The following ZNHIT6 variants were observed in gnomAD, a reference collection of about 807,000 sequenced individuals.
ZNHIT6 encodes the protein zinc finger HIT-type containing 6.
A neutral mutation model predicts 57.2 loss-of-function variants in ZNHIT6; 45 were observed. The ratio of observed to expected loss-of-function variants is 0.79; its 90% CI spans 0.62 to 1.01. ZNHIT6 has a LOEUF of 1.01. Ranked by LOEUF, ZNHIT6 falls within the 50% of genes least tolerant of loss-of-function variation. The pLI, the probability that ZNHIT6 is intolerant of heterozygous loss-of-function variation, is 0.00. For missense variants in ZNHIT6, 528 were observed against 567.3 expected (o/e 0.93, Z 0.70); for synonymous variants, 188 against 190.0 (o/e 0.99, Z 0.09).
chr1:85,697,414 C>T (rs1662407212), intron 5 of ZNHIT6, among the ~76,000 whole-genome samples: 1 of 152,054 alleles, frequency 6.6e-6, no homozygotes, highest in Non-Finnish European at 1.5e-5. Context: ...AGATTTTGAT[C>T]CACCTGGATG....
chr1:85,701,504 T>G (rs1463088965), intron 5 of ZNHIT6, among the ~76,000 whole-genome samples: 2 of 152,216 alleles, frequency 1.3e-5, no homozygotes, highest in Non-Finnish European at 1.5e-5. Context: ...CCCAACATTT[T>G]CAGACAGCAG....
At chr1:85,666,341 G>T (rs17128061) in intron 8 of ZNHIT6, among the ~76,000 whole-genome samples, 1 of 152,028 alleles carries the variant, frequency 6.6e-6, no homozygotes, top group Admixed American at 6.6e-5. Context: ...AACAAGGATA[G>T]GTAAGTTTAG....
chr1:85,666,271 C>T (rs1189791028), intron 8 of ZNHIT6, among the ~76,000 whole-genome samples: 2 of 152,154 alleles, frequency 1.3e-5, no homozygotes, highest in Non-Finnish European at 2.9e-5. Flanking sequence ...TTGGAATACA[C>T]ATAGAATTCA....
intron 8 of ZNHIT6, among the ~76,000 whole-genome samples, chr1:85,671,400 G>A (rs1336555013): frequency 2.0e-5 from 3 of 152,114 alleles, no homozygotes; most frequent in Non-Finnish European, 4.4e-5. Context: ...GCTGCAGTGA[G>A]GCTATGCTTG....
At chr1:85,658,434 G>T (rs555208155) in intron 8 of ZNHIT6, among the ~76,000 whole-genome samples, 244 of 152,160 alleles carry the variant, frequency 1.6e-3, no homozygotes, top group Middle Eastern at 6.8e-3. Flanking sequence ...GTTTCACAGT[G>T]TTAGCTAGGA....
intron 8 of ZNHIT6, among the ~76,000 whole-genome samples, chr1:85,671,901 C>T (rs1219603228): frequency 1.4e-4 from 21 of 152,082 alleles, no homozygotes. Context: ...GCTTAGGAAG[C>T]AGTTACAATA....
At chr1:85,707,032 C>T (rs902727462) in intron 1 of ZNHIT6, among the ~76,000 whole-genome samples, 65 of 152,188 alleles carry the variant, frequency 4.3e-4, no homozygotes, top group Non-Finnish European at 4.7e-4. Context: ...CTCAACTGCT[C>T]TTCTATGCTC....
chr1:85,685,042 G>A (rs1229923399), intron 5 of ZNHIT6, among the ~76,000 whole-genome samples: 1 of 152,070 alleles, frequency 6.6e-6, no homozygotes, highest in Non-Finnish European at 1.5e-5. Flanking sequence ...GAAATACTAA[G>A]GAAGTGTGGC....
rs566661091 is a variant in ZNHIT6, at chr1:85,705,926, G to A, written c.915+152C>T. On this transcript the variant is annotated intron_variant, in intron 4 of 9. Transcript: ENST00000370574. ...ACTAAATACAACTCCACGAGGGGAC[G>A]GACTTTGTTTGGGTCACAGCCATAT... The A allele has an allele frequency of 6.0e-4, 373 of 624,890 alleles. 1 individual carries two copies. The highest frequency in any genetic ancestry group is 8.9e-4 in the Non-Finnish European group (328 of 367,932). The allele number at this position is 624,890 out of a possible 1,614,324, so 38.7% of individuals were successfully genotyped here.
chr1:85,689,956 C>CACTA (rs1662171866), intron 5 of ZNHIT6, among the ~76,000 whole-genome samples: 1 of 152,108 alleles, frequency 6.6e-6, no homozygotes, highest in South Asian at 2.1e-4. Context: ...TGAATACCAG[C>CACTA]ACTAAATGCT....
In ZNHIT6 at chr1:85,706,468, A is replaced by G; in HGVS notation, c.696T>C (p.Cys232=). 1.2e-6 allele frequency: 2 copies of G among 1,601,678 alleles called. No homozygotes were observed. The highest frequency in any genetic ancestry group is 1.7e-4 in the Middle Eastern group (1 of 6,016). ...TCGTEEAKYR[C]PRCMRYSCSL... The stretch of plus-strand genomic sequence containing the variant: ...TGCAGGAATATCGCATACAACGTGG[A>G]CATCTGTACTTTGCTTCTTCTGTAC... Residue 232 remains cysteine (C), a synonymous_variant, in exon 2 of 10, where the codon TGT becomes TGC. Transcript: ENST00000370574.
chr1:85,705,484 T>C (rs778600869), intron 4 of ZNHIT6, among the ~76,000 whole-genome samples: 2 of 152,098 alleles, frequency 1.3e-5, no homozygotes, highest in African/African-American at 2.4e-5. Flanking sequence ...CCAAAGTGTT[T>C]GGATTACAGG....
chr1:85,673,248 T>C (rs887345645), intron 8 of ZNHIT6, among the ~76,000 whole-genome samples: 2 of 152,176 alleles, frequency 1.3e-5, no homozygotes, highest in African/African-American at 4.8e-5. Flanking sequence ...TACTCACTGT[T>C]TGCTGAATGA....
chr1:85,671,680 A>T (rs1434549181), intron 8 of ZNHIT6, among the ~76,000 whole-genome samples: 1 of 152,188 alleles, frequency 6.6e-6, no homozygotes, highest in Non-Finnish European at 1.5e-5. Context: ...TGTATTCAGT[A>T]GCTGACAAAT....
At chr1:85,687,281 C>CATAAAAA (rs1662075565) in intron 5 of ZNHIT6, among the ~76,000 whole-genome samples, 1 of 33,606 alleles carries the variant, frequency 3.0e-5, no homozygotes, top group East Asian at 1.2e-3. Context: ...AAGACTATCT[C>CATAAAAA]AAAAAACAAA....
At chr1:85,663,804 T>G (rs1661287537) in intron 8 of ZNHIT6, among the ~76,000 whole-genome samples, 1 of 152,198 alleles carries the variant, frequency 6.6e-6, no homozygotes, top group African/African-American at 2.4e-5. Context: ...TTAAGAAACT[T>G]AGTTTAGCTG....
chr1:85,655,622 TC>T lies in ZNHIT6; in HGVS notation c.1373-1525del, dbSNP rs555750629. On this transcript the variant is annotated intron_variant, in intron 9 of 9. Coordinates refer to ENST00000370574, the MANE Select transcript of ZNHIT6 (RefSeq NM_017953.4). ...CTTTGAATAGGGTTCCATTCTTTTT[TC>T]CTTAGATTGAAATGCAGCATGCTTT... 8.0e-4 allele frequency among the ~76,000 whole-genome samples: 122 copies of T among 152,310 alleles called. 1 individual carries two copies. The South Asian group carries it at 9.5e-3, about 12-fold the overall frequency.
intron 8 of ZNHIT6, among the ~76,000 whole-genome samples, chr1:85,664,095 A>G (rs147706947): frequency 5.9e-4 from 90 of 152,252 alleles, no homozygotes; most frequent in African/African-American, 2.1e-3. Context: ...CTGTTAACCT[A>G]TCTAGCAAGG....
At chr1:85,680,468 A>G (rs547649346) in intron 6 of ZNHIT6, among the ~76,000 whole-genome samples, 1 of 152,274 alleles carries the variant, frequency 6.6e-6, no homozygotes, top group Admixed American at 6.5e-5. Flanking sequence ...CCTCTCCTCA[A>G]TACTTGCTTT....
Sources: allele counts gnomAD v4.1 joint callset (sites outside exome capture counted in the v4.1 genomes callset), GRCh38; gene constraint gnomAD v4.1.1; transcripts MANE v1.5; gene names NCBI Gene and HGNC (gene_info 2026-07-23, HGNC 2026-07-21).